Variants in MGAT4A observed in about 807,000 individuals in gnomAD.
MGAT4A encodes N-acetylglucosaminyltransferase IVa.
In MGAT4A, 33 loss-of-function variants were observed where a neutral mutation model predicts 74.1. That is an observed-to-expected ratio of 0.45 (90% CI 0.34 to 0.60). MGAT4A has a LOEUF of 0.60. MGAT4A is among the 20% of genes least tolerant of loss of function. MGAT4A has a pLI of 0.02. For synonymous variants in MGAT4A, 198 were observed against 210.4 expected (o/e 0.94, Z 0.51); for missense variants, 479 against 628.3 (o/e 0.76, Z 2.54).
intron 2 of MGAT4A, among the ~76,000 whole-genome samples, chr2:98,700,860 C>T (rs910354961): frequency 8.9e-5 from 13 of 146,624 alleles, no homozygotes; most frequent in Non-Finnish European, 1.8e-4. Flanking sequence ...CACTACACTC[C>T]AGTCTGGGGA....
chr2:98,720,992 C>T (rs576458069), intron 2 of MGAT4A, among the ~76,000 whole-genome samples: 3 of 152,298 alleles, frequency 2.0e-5, no homozygotes, highest in East Asian at 3.9e-4. Flanking sequence ...CCCACAAACA[C>T]ATGGTGGAAA....
intron 1 of MGAT4A, among the ~76,000 whole-genome samples, chr2:98,729,363 G>C (rs139506238): frequency 6.6e-6 from 1 of 152,092 alleles, no homozygotes; most frequent in Non-Finnish European, 1.5e-5. Context: ...GAAACTCTTC[G>C]GACAAGAGTA....
At chr2:98,640,583 G>A (rs1701392206) in intron 10 of MGAT4A, among the ~76,000 whole-genome samples, 3 of 152,178 alleles carry the variant, frequency 2.0e-5, no homozygotes, top group African/African-American at 7.2e-5. Context: ...CAGCCTGGGT[G>A]ACAGAGTAAA....
At chr2:98,711,614 A>C in intron 2 of MGAT4A, among the ~76,000 whole-genome samples, 1 of 149,938 alleles carries the variant, frequency 6.7e-6, no homozygotes, top group South Asian at 2.1e-4. Flanking sequence ...TTTGAAGTTC[A>C]AAAAAAAAAT....
At chr2:98,707,867 T>G (rs533898975) in intron 2 of MGAT4A, among the ~76,000 whole-genome samples, 1 of 152,262 alleles carries the variant, frequency 6.6e-6, no homozygotes, top group Non-Finnish European at 1.5e-5. Flanking sequence ...TTCTGGATCT[T>G]CTCTATGACT....
chr2:98,639,696 G>A, intron 12 of MGAT4A, 112 bp downstream of exon 12: 1 of 845,808 alleles, frequency 1.2e-6, no homozygotes, highest in South Asian at 2.4e-5. Flanking sequence ...AACATTTTGG[G>A]CCCCACTGTG....
chr2:98,717,425 T>C lies in MGAT4A; in HGVS notation c.94+8814A>G, dbSNP rs74999849. On this transcript the variant is annotated intron_variant, in intron 2 of 15. Transcript: ENST00000393487. ...GGAAATTTTGCATACTGGAAGAAAGTAGGAGGACATGACAACTAAACGCAC... is the reference window on the plus strand; with the variant it reads ...GGAAATTTTGCATACTGGAAGAAAGCAGGAGGACATGACAACTAAACGCAC... 9.3e-3 allele frequency among the ~76,000 whole-genome samples: 1,387 copies of C among 149,300 alleles called. 21 individuals carry two copies. Among genetic ancestry groups the C allele is most frequent in the South Asian group, 0.067 (313 of 4,664 alleles).
intron 14 of MGAT4A, among the ~76,000 whole-genome samples, chr2:98,626,056 A>G (rs890286478): frequency 2.6e-5 from 4 of 152,210 alleles, no homozygotes; most frequent in African/African-American, 9.6e-5. Flanking sequence ...TTAATTAGGC[A>G]GAGCTATAAT....
At chr2:98,626,545 G>C (rs1259517040) in intron 14 of MGAT4A, among the ~76,000 whole-genome samples, 2 of 152,148 alleles carry the variant, frequency 1.3e-5, no homozygotes, top group African/African-American at 2.4e-5. Context: ...TTAAGCCAAG[G>C]TTGGTAAACT....
At chr2:98,641,567 G>C (rs111534951) in intron 10 of MGAT4A, among the ~76,000 whole-genome samples, 26,768 of 150,116 alleles carry the variant, frequency 0.18, 2,646 homozygotes, top group African/African-American at 0.25. Flanking sequence ...TCCCAGCTAT[G>C]CAGGAGGCTG....
chr2:98,629,798 C>G (rs531649778), intron 14 of MGAT4A, among the ~76,000 whole-genome samples: 2 of 152,304 alleles, frequency 1.3e-5, no homozygotes, highest in South Asian at 4.1e-4. Context: ...AATTCTGGCA[C>G]TTTGGGAGGC....
intron 4 of MGAT4A, among the ~76,000 whole-genome samples, chr2:98,666,789 A>G (rs1021132613): frequency 6.6e-6 from 1 of 152,234 alleles, no homozygotes; most frequent in African/African-American, 2.4e-5. Flanking sequence ...TGATGAAAGC[A>G]AAGCCCATGG....
At chr2:98,687,110 T>G (rs903102086) in intron 2 of MGAT4A, among the ~76,000 whole-genome samples, 1 of 152,198 alleles carries the variant, frequency 6.6e-6, no homozygotes, top group Non-Finnish European at 1.5e-5. Flanking sequence ...ACTTTAAAGT[T>G]ACTGGGAGAC....
intron 2 of MGAT4A, chr2:98,725,855 T>C (rs1191519110): frequency 7.1e-6 from 2 of 280,854 alleles, no homozygotes; most frequent in Non-Finnish European, 1.3e-5. Flanking sequence ...AAGGCACTAA[T>C]TGTGTCCTTT....
At chr2:98,671,943 CA>C (rs59955000) in intron 4 of MGAT4A, among the ~76,000 whole-genome samples, 828 of 28,628 alleles carry the variant, frequency 0.029, 2 homozygotes, top group Admixed American at 0.033. Flanking sequence ...GTGGAAAAGG[CA>C]AAAAAAAAAA....
chr2:98,634,862 T>C (rs1315337783), intron 14 of MGAT4A, among the ~76,000 whole-genome samples: 1 of 151,632 alleles, frequency 6.6e-6, no homozygotes, highest in Non-Finnish European at 1.5e-5. Flanking sequence ...TCAACACAGA[T>C]GTGACGCTGG....
chr2:98,696,093 A>C (rs1329524025), intron 2 of MGAT4A, among the ~76,000 whole-genome samples: 1 of 151,928 alleles, frequency 6.6e-6, no homozygotes, highest in East Asian at 1.9e-4. Context: ...TTGTTGCCCA[A>C]GCTGGTCTCG....
At chr2:98,669,091 A>G (rs1701876411) in intron 4 of MGAT4A, among the ~76,000 whole-genome samples, 2 of 152,078 alleles carry the variant, frequency 1.3e-5, no homozygotes, top group African/African-American at 2.4e-5. Context: ...AAGAGTTAAG[A>G]CTTCAGGGGA....
chr2:98,620,085 C>T lies in MGAT4A; in HGVS notation c.*5481G>A, dbSNP rs1209967633. The T allele has an allele frequency of 6.6e-6, 1 of 152,100 alleles. No individual in the cohort carries two copies. Among genetic ancestry groups the T allele is most frequent in the Non-Finnish European group, 1.5e-5 (1 of 68,014 alleles). The allele number at this position is 152,100 out of a possible 1,614,324, so 9.4% of individuals were successfully genotyped here. Reference sequence around the variant, plus strand: ...CTTTGAAAATGATCTAGTTAGTGCCCAAACCGGGTGAAGGAGTGTTTCAGG... The same window carrying T: ...CTTTGAAAATGATCTAGTTAGTGCCTAAACCGGGTGAAGGAGTGTTTCAGG... On this transcript the variant is annotated 3_prime_UTR_variant, in exon 16 of 16. Transcript: ENST00000393487.
Sources: allele counts gnomAD v4.1 joint callset (sites outside exome capture counted in the v4.1 genomes callset), GRCh38; gene constraint gnomAD v4.1.1; transcripts MANE v1.5; gene names NCBI Gene and HGNC (gene_info 2026-07-23, HGNC 2026-07-21).